The following POLR3B variants were observed in gnomAD, a reference collection of about 807,000 sequenced individuals.
The protein encoded by POLR3B is RNA polymerase III subunit B, also known as DNA-directed RNA polymerase III subunit RPC2.
In POLR3B, 96 loss-of-function variants were observed where a neutral mutation model predicts 147.4. The ratio of observed to expected loss-of-function variants is 0.65; its 90% CI spans 0.55 to 0.77. The LOEUF (loss-of-function observed/expected upper bound fraction) is 0.77, where lower values mean the gene tolerates loss of function less well. POLR3B is among the 30% of genes least tolerant of loss of function. The pLI, the probability that POLR3B is intolerant of heterozygous loss-of-function variation, is 0.00. For missense variants in POLR3B, 1,036 were observed against 1,413.5 expected (o/e 0.73, Z 4.28); for synonymous variants, 461 against 485.9 (o/e 0.95, Z 0.67).
chr12:106,462,363 T>G (rs541596393), intron 22 of POLR3B, among the ~76,000 whole-genome samples: 3 of 152,226 alleles, frequency 2.0e-5, no homozygotes, highest in Admixed American at 6.5e-5. Flanking sequence ...TTCTCTTGCC[T>G]TAGCCTCCTG....
intron 13 of POLR3B, among the ~76,000 whole-genome samples, chr12:106,429,347 C>A (rs939431882): frequency 6.6e-6 from 1 of 152,128 alleles, no homozygotes; most frequent in Non-Finnish European, 1.5e-5. Context: ...GCCACGTTGG[C>A]AGGCTGGTCT....
chr12:106,373,349 CTT>C (rs2036635482), intron 6 of POLR3B, among the ~76,000 whole-genome samples: 1 of 152,246 alleles, frequency 6.6e-6, no homozygotes, highest in Admixed American at 6.5e-5. Flanking sequence ...TTCTTTATCT[CTT>C]ATAATATTCT....
At chr12:106,482,726 A>G (rs2038286254) in intron 23 of POLR3B, among the ~76,000 whole-genome samples, 1 of 152,198 alleles carries the variant, frequency 6.6e-6, no homozygotes, top group Non-Finnish European at 1.5e-5. Context: ...GAGATTAGGA[A>G]ACATGCCCTG....
chr12:106,384,415 A>G (rs1460728853), intron 9 of POLR3B, among the ~76,000 whole-genome samples: 1 of 152,216 alleles, frequency 6.6e-6, no homozygotes. Flanking sequence ...CTTACTTGCT[A>G]AAATTTATAC....
At chr12:106,505,980 C>G (rs1299247108) in intron 27 of POLR3B, among the ~76,000 whole-genome samples, 1 of 152,158 alleles carries the variant, frequency 6.6e-6, no homozygotes, top group Admixed American at 6.5e-5. Context: ...TGAAGACTCT[C>G]GTCTGTAAGG....
chr12:106,389,584 A>C (rs1429434176), intron 9 of POLR3B, among the ~76,000 whole-genome samples: 1 of 148,658 alleles, frequency 6.7e-6, no homozygotes, highest in Admixed American at 6.7e-5. Context: ...TGGGACCAGC[A>C]GTGTTTAGGA....
intron 18 of POLR3B, 69 bp downstream of exon 18, chr12:106,437,848 G>A (rs2037598402): frequency 4.9e-6 from 4 of 812,416 alleles, no homozygotes; most frequent in South Asian, 4.2e-5. Context: ...CTCTTTTACT[G>A]TCATCTTCAG....
intron 1 of POLR3B, among the ~76,000 whole-genome samples, chr12:106,362,055 C>T (rs1284676484): frequency 2.6e-5 from 4 of 151,790 alleles, no homozygotes; most frequent in African/African-American, 9.7e-5. Context: ...TGGGAGAGAT[C>T]GTAAGCTGAA....
In POLR3B at chr12:106,463,627, T is replaced by C. The variant is rs12316278; in HGVS notation, c.2713+7T>C. On this transcript the variant is annotated splice_region_variant and intron_variant, in intron 23 of 27. Transcript: ENST00000228347. ...AGTCGTCATGGGCAAAAAGGTAAAC[T>C]GTATCATTTCTCAACTTGATTATAA... The C allele has an allele frequency of 4.3e-5, 69 of 1,609,408 alleles. No individual in the cohort carries two copies. The African/African-American group carries it at 8.6e-4, about 20-fold the overall frequency.
chr12:106,393,236 T>A lies in POLR3B; in HGVS notation c.846+83T>A, dbSNP rs2136917318. On this transcript the variant is annotated intron_variant, in intron 10 of 27. Transcript: ENST00000228347. ...CATTGATAAAGCTCATCGGATGTGATGGCTTTGGGCTCATAGATTTGGGAA... is the reference window on the plus strand; with the variant it reads ...CATTGATAAAGCTCATCGGATGTGAAGGCTTTGGGCTCATAGATTTGGGAA... 5 of 1,564,756 alleles carry A rather than the reference T, an allele frequency of 3.2e-6. No homozygotes were observed. The South Asian group carries it at 4.4e-5, about 14-fold the overall frequency.
At chr12:106,380,449 G>A (rs1455827035) in intron 9 of POLR3B, among the ~76,000 whole-genome samples, 1 of 151,646 alleles carries the variant, frequency 6.6e-6, no homozygotes, top group Admixed American at 6.6e-5. Flanking sequence ...TGAGTGTGGT[G>A]GTGTGCATCT....
At chr12:106,447,617 C>T (rs1565899412) in intron 19 of POLR3B, among the ~76,000 whole-genome samples, 1 of 152,196 alleles carries the variant, frequency 6.6e-6, no homozygotes, top group Non-Finnish European at 1.5e-5. Flanking sequence ...ATTTTGTGTC[C>T]TCTCATCGGC....
chr12:106,397,221 A>G (rs933194278), intron 10 of POLR3B, among the ~76,000 whole-genome samples: 4 of 152,182 alleles, frequency 2.6e-5, no homozygotes, highest in African/African-American at 4.8e-5. Flanking sequence ...CAACATATAC[A>G]AAGTACAGAG....
At chr12:106,403,701 A>G (rs1268319255) in intron 10 of POLR3B, among the ~76,000 whole-genome samples, 2 of 151,740 alleles carry the variant, frequency 1.3e-5, no homozygotes, top group East Asian at 1.9e-4. Context: ...TCAGCAAACT[A>G]TCGCAAGGAC....
rs76789062 is a variant in POLR3B at position 106,386,600 on chromosome 12, C to T, written c.724-6431C>T. ...AAACATTAAGTACTGTTTTTTGGCC[C>T]GGTGATGAGTTTAATAAGACAGTTT... On this transcript the variant is annotated intron_variant, in intron 9 of 27. Transcript: ENST00000228347. 3.2e-3 allele frequency among the ~76,000 whole-genome samples: 493 copies of T among 151,744 alleles called. 2 individuals are homozygous for T. The highest frequency in any genetic ancestry group is 7.3e-3 in the South Asian group (35 of 4,810).
chr12:106,479,156 T>A, intron 23 of POLR3B, among the ~76,000 whole-genome samples: 1 of 152,072 alleles, frequency 6.6e-6, no homozygotes, highest in East Asian at 1.9e-4. Context: ...TTTCTTATAT[T>A]TATTTAGTTA....
chr12:106,394,233 C>T (rs771518364), intron 10 of POLR3B, among the ~76,000 whole-genome samples: 6 of 152,102 alleles, frequency 3.9e-5, no homozygotes, highest in South Asian at 2.1e-4. Context: ...TTCTCATCAC[C>T]GTCTTCCTCT....
In POLR3B at chr12:106,471,342, G is replaced by A. The variant is rs141303973; in HGVS notation, c.2713+7722G>A. On this transcript the variant is annotated intron_variant, in intron 23 of 27. Coordinates refer to ENST00000228347, the MANE Select transcript of POLR3B (RefSeq NM_018082.6). Reference sequence around the variant, plus strand: ...GGGAAAGCACAGTATTTGGGCAGGAGTGTACCTCTTCTCCAGGTACAGTCA... The same window carrying A: ...GGGAAAGCACAGTATTTGGGCAGGAATGTACCTCTTCTCCAGGTACAGTCA... Among the ~76,000 whole-genome samples the A allele has an allele frequency of 2.6e-5, 4 of 152,278 alleles. No individual in the cohort carries two copies. In the East Asian group the frequency reaches 7.7e-4, roughly 29 times the overall value.
intron 6 of POLR3B, among the ~76,000 whole-genome samples, chr12:106,370,760 T>G (rs1245489525): frequency 6.6e-6 from 1 of 151,742 alleles, no homozygotes; most frequent in Non-Finnish European, 1.5e-5. Flanking sequence ...GCCTCCTGAG[T>G]AGCTGGGATT....
Sources: allele counts gnomAD v4.1 joint callset (sites outside exome capture counted in the v4.1 genomes callset), GRCh38; gene constraint gnomAD v4.1.1; transcripts MANE v1.5; gene names NCBI Gene and HGNC (gene_info 2026-07-23, HGNC 2026-07-21).